TMEM132C: variants seen among roughly 807,000 people sequenced by gnomAD.
The protein encoded by TMEM132C is protein phosphatase 1, regulatory subunit 152.
TMEM132C carries 29 observed loss-of-function variants against 61.4 expected under a neutral mutation model. That is an observed-to-expected ratio of 0.47 (90% confidence interval 0.35 to 0.64). TMEM132C has a LOEUF of 0.64. TMEM132C is among the 30% of genes least tolerant of loss of function. TMEM132C has a pLI of 0.00. For synonymous variants in TMEM132C, 656 were observed against 633.1 expected (o/e 1.04, Z -0.54); for missense variants, 1,408 against 1,476.9 (o/e 0.95, Z 0.76).
At chr12:128,359,753 A>G (rs995732721) in intron 1 of TMEM132C, among the ~76,000 whole-genome samples, 75 of 152,106 alleles carry the variant, frequency 4.9e-4, no homozygotes, top group African/African-American at 1.8e-3. Context: ...CCTAAACAAC[A>G]CTTTGTGTCT....
intron 2 of TMEM132C, among the ~76,000 whole-genome samples, chr12:128,485,959 CT>C (rs1239444568): frequency 6.6e-6 from 1 of 152,146 alleles, no homozygotes; most frequent in Non-Finnish European, 1.5e-5. Flanking sequence ...CAAAGTTAGA[CT>C]TTGAGGTGTA....
At chr12:128,347,592 C>T (rs1873208465) in intron 1 of TMEM132C, among the ~76,000 whole-genome samples, 1 of 152,154 alleles carries the variant, frequency 6.6e-6, no homozygotes, top group African/African-American at 2.4e-5. Context: ...CCAAACATGG[C>T]TAATTTTGTA....
chr12:128,678,476 T>C (rs59227370), intron 5 of TMEM132C, among the ~76,000 whole-genome samples: 2,211 of 152,338 alleles, frequency 0.015, 64 homozygotes, highest in African/African-American at 0.051. Context: ...AGTTCTTCTT[T>C]AAGCCTCAGT....
At chr12:128,618,417 C>A (rs1223631433) in intron 4 of TMEM132C, among the ~76,000 whole-genome samples, 1 of 152,154 alleles carries the variant, frequency 6.6e-6, no homozygotes, top group Non-Finnish European at 1.5e-5. Flanking sequence ...AAGCTTTATT[C>A]AAAAGTTCAT....
chr12:128,687,088 G>A (rs533259715), intron 5 of TMEM132C, among the ~76,000 whole-genome samples: 3 of 151,394 alleles, frequency 2.0e-5, no homozygotes, highest in Non-Finnish European at 4.4e-5. Flanking sequence ...TGTAGTCCCA[G>A]CTACCCGGGA....
chr12:128,530,109 C>T (rs1430937298), intron 2 of TMEM132C, among the ~76,000 whole-genome samples: 6 of 55,128 alleles, frequency 1.1e-4, no homozygotes, highest in Admixed American at 2.1e-4. Context: ...AGAAAGTGGG[C>T]GGGGGTGGGA....
intron 2 of TMEM132C, among the ~76,000 whole-genome samples, chr12:128,484,731 A>C (rs921106551): frequency 2.0e-5 from 3 of 152,090 alleles, no homozygotes; most frequent in Non-Finnish European, 4.4e-5. Flanking sequence ...CCAAGGCGGG[A>C]AGATTGCTTG....
At chr12:128,318,149 G>C (rs1191230318) in intron 1 of TMEM132C, among the ~76,000 whole-genome samples, 1 of 152,152 alleles carries the variant, frequency 6.6e-6, no homozygotes, top group Non-Finnish European at 1.5e-5. Flanking sequence ...ACTGAGGAAT[G>C]AATCAAAAAC....
At chr12:128,541,969 C>T (rs1029644121) in intron 2 of TMEM132C, among the ~76,000 whole-genome samples, 2 of 152,334 alleles carry the variant, frequency 1.3e-5, no homozygotes, top group African/African-American at 4.8e-5. Flanking sequence ...GTTCCCCACT[C>T]GCCCTGATAC....
rs1290955706 is a variant in TMEM132C, at chr12:128,434,206, A to G, written c.974+18586A>G. Reference sequence around the variant, plus strand: ...ACAGTAGCTCAAACTAGTGGTTCTCAAAGTTGAGTGAGTACCAGAAACACC... The same window carrying G: ...ACAGTAGCTCAAACTAGTGGTTCTCGAAGTTGAGTGAGTACCAGAAACACC... On this transcript the variant is annotated intron_variant, in intron 2 of 8. Transcript: ENST00000435159. 3.9e-5 allele frequency among the ~76,000 whole-genome samples: 6 copies of G among 152,360 alleles called. No individual in the cohort carries two copies. The East Asian group carries it at 9.6e-4, about 24-fold the overall frequency.
At chr12:128,467,541 T>G (rs1015493227) in intron 2 of TMEM132C, among the ~76,000 whole-genome samples, 1 of 152,186 alleles carries the variant, frequency 6.6e-6, no homozygotes, top group African/African-American at 2.4e-5. Flanking sequence ...TTTCATTCCA[T>G]TTGTTGTTGT....
At chr12:128,582,414 C>CTTTTTT (rs36054458) in intron 3 of TMEM132C, among the ~76,000 whole-genome samples, 1 of 132,538 alleles carries the variant, frequency 7.5e-6, no homozygotes, top group African/African-American at 2.9e-5. Context: ...ATAGATGCTG[C>CTTTTTT]TTTTTTTTTT....
At chr12:128,433,864 A>T (rs1333636587) in intron 2 of TMEM132C, among the ~76,000 whole-genome samples, 2 of 152,250 alleles carry the variant, frequency 1.3e-5, no homozygotes, top group African/African-American at 4.8e-5. Flanking sequence ...TAGCCCCCAC[A>T]CAATCCCCTA....
At chr12:128,515,361 GTACTC>G (rs1872684515) in intron 2 of TMEM132C, among the ~76,000 whole-genome samples, 1 of 152,192 alleles carries the variant, frequency 6.6e-6, no homozygotes. Context: ...GTGAGCATGA[GTACTC>G]TAGCCGAGGT....
rs1429229181 is a variant in TMEM132C, at chr12:128,278,036, C to T, written c.85+10549C>T. ...CTTGCAGATAAGGAGACCTTACTTT[C>T]AACCTCAGGTGCTCACCCCCAGGAC... On this transcript the variant is annotated intron_variant, in intron 1 of 8. Coordinates refer to ENST00000435159, the MANE Select transcript of TMEM132C (RefSeq NM_001136103.3). This position sits in a 1 kb window ranked among gnomAD's most constrained non-coding sequence, Gnocchi z 4.2. Among the ~76,000 whole-genome samples the T allele has an allele frequency of 6.6e-6, 1 of 152,132 alleles. No homozygotes were observed. The highest frequency in any genetic ancestry group is 2.4e-5 in the African/African-American group (1 of 41,436).
intron 2 of TMEM132C, among the ~76,000 whole-genome samples, chr12:128,425,923 T>C (rs1721699980): frequency 1.3e-5 from 2 of 152,238 alleles, no homozygotes; most frequent in South Asian, 2.1e-4. Flanking sequence ...AAAGGACCTG[T>C]TTCCAAATCA....
At chr12:128,398,623 A>G (rs1875044715) in intron 1 of TMEM132C, among the ~76,000 whole-genome samples, 1 of 152,224 alleles carries the variant, frequency 6.6e-6, no homozygotes, top group Non-Finnish European at 1.5e-5. Flanking sequence ...CCTGAGTTCA[A>G]ATTCTGATTT....
intron 4 of TMEM132C, among the ~76,000 whole-genome samples, chr12:128,637,596 G>T (rs896154547): frequency 2.0e-5 from 3 of 152,154 alleles, no homozygotes; most frequent in African/African-American, 4.8e-5. Context: ...TAGAGATGGG[G>T]TCTTGCTACA....
chr12:128,656,887 C>T (rs1484757896), intron 4 of TMEM132C, among the ~76,000 whole-genome samples: 1 of 152,202 alleles, frequency 6.6e-6, no homozygotes, highest in Non-Finnish European at 1.5e-5. Flanking sequence ...ATATCTTGCT[C>T]TATTTCCTCC....
Sources: gnomAD v4.1 joint callset for allele counts (sites outside exome capture counted in the v4.1 genomes callset) on GRCh38, gnomAD v4.1.1 for gene constraint, Gnocchi (gnomAD v3.1) non-coding constraint, MANE v1.5 for transcripts, NCBI Gene and HGNC (gene_info 2026-07-23, HGNC 2026-07-21) for gene names.